SEC16B: variants seen among roughly 807,000 people sequenced by gnomAD.
SEC16B encodes the protein protein transport protein Sec16B.
Under a neutral mutation model 141.8 loss-of-function variants are expected in SEC16B, and 115 were observed. The ratio of observed to expected loss-of-function variants is 0.81; its 90% CI spans 0.70 to 0.95. The LOEUF (loss-of-function observed/expected upper bound fraction) is 0.95. Ranked by LOEUF, SEC16B falls within the 40% of genes least tolerant of loss-of-function variation. SEC16B has a pLI of 0.00. For synonymous variants in SEC16B, 493 were observed against 492.5 expected (o/e 1.00, Z -0.01); for missense variants, 1,291 against 1,312.3 (o/e 0.98, Z 0.25).
intron 15 of SEC16B, 27 bp from the exon 16 acceptor site, chr1:177,942,067 AGTC>A: frequency 6.3e-7 from 1 of 1,598,398 alleles, no homozygotes; most frequent in Middle Eastern, 1.7e-4. Flanking sequence ...GTCAGTGACT[AGTC>A]CATCCAGGCA....
chr1:177,956,227 A>G (rs529382155), intron 10 of SEC16B, among the ~76,000 whole-genome samples: 1 of 152,204 alleles, frequency 6.6e-6, no homozygotes, highest in African/African-American at 2.4e-5. Context: ...ATTCATTTAC[A>G]TATTTTCTGT....
intron 12 of SEC16B, among the ~76,000 whole-genome samples, chr1:177,949,795 C>T (rs1233523257): frequency 6.6e-6 from 1 of 152,162 alleles, no homozygotes; most frequent in East Asian, 1.9e-4. Flanking sequence ...TTTTCCACCA[C>T]CCCATTCATC....
intron 1 of SEC16B, among the ~76,000 whole-genome samples, chr1:177,978,292 G>A (rs972979367): frequency 3.3e-5 from 5 of 152,168 alleles, no homozygotes; most frequent in African/African-American, 1.2e-4. Context: ...CCTGTAGGAG[G>A]TGCACAATAA....
intron 11 of SEC16B, among the ~76,000 whole-genome samples, chr1:177,953,938 A>C (rs1652399196): frequency 6.6e-6 from 1 of 152,140 alleles, no homozygotes; most frequent in African/African-American, 2.4e-5. Context: ...CACAGTCCCA[A>C]GGCTCTAAGG....
intron 1 of SEC16B, among the ~76,000 whole-genome samples, chr1:177,979,270 T>C (rs1376146857): frequency 1.3e-5 from 2 of 152,242 alleles, no homozygotes; most frequent in African/African-American, 2.4e-5. Flanking sequence ...GATAGATAGA[T>C]AGATATTAAA....
chr1:177,936,918 C>T (rs539506590), intron 19 of SEC16B, among the ~76,000 whole-genome samples: 6 of 152,290 alleles, frequency 3.9e-5, no homozygotes, highest in Non-Finnish European at 5.9e-5. Flanking sequence ...ACCCTGTAAT[C>T]TCTCTCCTAG....
upstream of SEC16B, chr1:177,970,077 ACAGCCCAGATACCG>A (rs1243798869): frequency 6.6e-6 from 1 of 152,356 alleles, no homozygotes; most frequent in Non-Finnish European, 1.5e-5. Flanking sequence ...AGGGCAAAGT[ACAGCCCAGATACCG>A]CAGCCCAGGA....
chr1:177,944,277 G>C (rs1431459766), intron 15 of SEC16B, among the ~76,000 whole-genome samples: 2 of 152,192 alleles, frequency 1.3e-5, no homozygotes, highest in Non-Finnish European at 1.5e-5. Flanking sequence ...CTGACAGCAG[G>C]AGTGAGGCAC....
intron 1 of SEC16B, among the ~76,000 whole-genome samples, chr1:177,982,928 C>T (rs898968997): frequency 2.0e-5 from 3 of 152,154 alleles, no homozygotes; most frequent in African/African-American, 7.2e-5. Flanking sequence ...TGTGGAATTG[C>T]TCCTTTTAAG....
intron 4 of SEC16B, 72 bp downstream of exon 4, chr1:177,964,975 G>T: frequency 6.4e-7 from 1 of 1,550,958 alleles, no homozygotes; most frequent in Non-Finnish European, 8.8e-7. Flanking sequence ...AGCATCAGAC[G>T]CCAGAAGATT....
Position 177,954,265 on chromosome 1 carries a change from A to G in SEC16B, c.1463+14T>C. 1 of 1,553,038 alleles carries G rather than the reference A, an allele frequency of 6.4e-7. No homozygotes were observed. The highest frequency in any genetic ancestry group is 8.7e-7 in the Non-Finnish European group (1 of 1,146,370). On this transcript the variant is annotated intron_variant, in intron 11 of 25. Coordinates refer to ENST00000308284, the MANE Select transcript of SEC16B (RefSeq NM_033127.4). ...CTCTGCCCCACTGGCCTCTTTTGTT[A>G]AGTCCTGACTCACCCACTCATGACC...
Position 177,965,013 on chromosome 1 carries a change from A to G in SEC16B, c.533+34T>C, listed in dbSNP as rs773047961. 1.1e-5 allele frequency: 17 copies of G among 1,609,812 alleles called. No homozygotes were observed. In the African/African-American group the frequency reaches 1.7e-4, roughly 16 times the overall value. On this transcript the variant is annotated intron_variant, in intron 4 of 25. Coordinates refer to ENST00000308284, the MANE Select transcript of SEC16B (RefSeq NM_033127.4). ...CCCGACATAGTCTGAGTTTGACAAC[A>G]TCATGTCAAACTGGCCTCTCCTTTC...
chr1:177,983,381 C>T (rs1333132074), intron 1 of SEC16B, among the ~76,000 whole-genome samples: 1 of 152,182 alleles, frequency 6.6e-6, no homozygotes, highest in East Asian at 1.9e-4. Context: ...CCTCTTCCAT[C>T]TTGTTCACTT....
chr1:177,951,999 C>A lies in SEC16B; in HGVS notation c.1464-4G>T, dbSNP rs375249442. 4 of 1,596,326 alleles carry A rather than the reference C, an allele frequency of 2.5e-6. No homozygotes were observed. Among genetic ancestry groups the A allele is most frequent in the South Asian group, 2.3e-5 (2 of 87,570 alleles). ...GAGCGCCAGCGTGCTGGTGAAGCTG[C>A]GGAGAGAAGGATAGTCAGCGAGGAC... is the stretch of plus-strand genomic sequence containing the variant. On this transcript the variant is annotated splice_polypyrimidine_tract_variant and splice_region_variant and intron_variant, in intron 11 of 25. Coordinates refer to ENST00000308284, the MANE Select transcript of SEC16B (RefSeq NM_033127.4).
chr1:177,951,759 G>A (rs61570095), intron 12 of SEC16B, among the ~76,000 whole-genome samples, 155 bp downstream of exon 12: 344 of 152,258 alleles, frequency 2.3e-3, no homozygotes, highest in African/African-American at 7.9e-3. Flanking sequence ...ATGCATCAAA[G>A]CACTTAGCAC....
At chr1:177,977,439 A>G (rs1654213314) in intron 1 of SEC16B, among the ~76,000 whole-genome samples, 1 of 152,160 alleles carries the variant, frequency 6.6e-6, no homozygotes, top group Non-Finnish European at 1.5e-5. Context: ...AAAAAATATC[A>G]TATTATATAA....
Position 177,958,366 on chromosome 1 carries a change from T to C in SEC16B, c.1135-4A>G. 1.9e-6 allele frequency: 3 copies of C among 1,570,404 alleles called. No individual in the cohort carries two copies. Among genetic ancestry groups the C allele is most frequent in the Non-Finnish European group, 2.6e-6 (3 of 1,157,144 alleles). ...CGATGTCAGACCCCACCATGGACTG[T>C]AAGGCAAAGAGGATCATCTGGGGAG... On this transcript the variant is annotated splice_polypyrimidine_tract_variant and splice_region_variant and intron_variant, in intron 9 of 25. Transcript: ENST00000308284.
intron 2 of SEC16B, among the ~76,000 whole-genome samples, chr1:177,967,208 C>T (rs563097731): frequency 8.5e-5 from 13 of 152,224 alleles, no homozygotes; most frequent in African/African-American, 1.9e-4. Context: ...TGTTCCATTC[C>T]GGGTACTGTC....
At chr1:177,976,893 C>T (rs1297766153) in intron 1 of SEC16B, among the ~76,000 whole-genome samples, 4 of 152,042 alleles carry the variant, frequency 2.6e-5, no homozygotes, top group African/African-American at 9.7e-5. Context: ...CATACAACAA[C>T]ACAGGAAAAA....
Sources: allele counts gnomAD v4.1 joint callset (sites outside exome capture counted in the v4.1 genomes callset), GRCh38; gene constraint gnomAD v4.1.1; transcripts MANE v1.5; gene names NCBI Gene and HGNC (gene_info 2026-07-23, HGNC 2026-07-21).